The following MDGA2 variants were observed in gnomAD, a reference collection of about 807,000 sequenced individuals.
The protein encoded by MDGA2 is MAM domain-containing glycosylphosphatidylinositol anchor protein 2.
A neutral mutation model predicts 117.8 loss-of-function variants in MDGA2; 40 were observed. The observed-to-expected ratio is 0.34, with a 90% CI of 0.26 to 0.44. The LOEUF (loss-of-function observed/expected upper bound fraction) is 0.44. MDGA2 is among the 20% of genes least tolerant of loss of function. The pLI, the probability that MDGA2 is intolerant of heterozygous loss-of-function variation, is 1.00. For synonymous variants in MDGA2, 452 were observed against 439.0 expected, an observed-to-expected ratio of 1.03 and a Z score of -0.37; for missense variants, 1,123 against 1,250.6, an observed-to-expected ratio of 0.90 and a Z score of 1.54.
intron 1 of MDGA2, among the ~76,000 whole-genome samples, chr14:47,325,433 C>T (rs1890115645): frequency 1.3e-5 from 2 of 152,104 alleles, no homozygotes; most frequent in Admixed American, 1.3e-4. Context: ...AACCTGAAGA[C>T]CTAATGGATC....
At chr14:47,189,485 A>G (rs1428089872) in intron 3 of MDGA2, among the ~76,000 whole-genome samples, 1 of 152,118 alleles carries the variant, frequency 6.6e-6, no homozygotes, top group Admixed American at 6.6e-5. Flanking sequence ...TATGGCAACC[A>G]CAGCTGCTGA....
At chr14:47,089,528 G>A (rs1891031348) in intron 6 of MDGA2, among the ~76,000 whole-genome samples, 1 of 151,922 alleles carries the variant, frequency 6.6e-6, no homozygotes, top group Non-Finnish European at 1.5e-5. Flanking sequence ...GGTGCGAGCT[G>A]CCACACCAGG....
At chr14:47,139,859 C>T (rs1293718415) in intron 4 of MDGA2, among the ~76,000 whole-genome samples, 1 of 137,750 alleles carries the variant, frequency 7.3e-6, no homozygotes, top group East Asian at 2.1e-4. Context: ...TATATATACA[C>T]ATATATATAT....
intron 1 of MDGA2, among the ~76,000 whole-genome samples, chr14:47,473,884 G>T (rs1247210555): frequency 2.0e-5 from 3 of 152,088 alleles, no homozygotes; most frequent in African/African-American, 7.2e-5. Flanking sequence ...ATACTGAATG[G>T]GTAAAAGTTG....
intron 2 of MDGA2, among the ~76,000 whole-genome samples, chr14:47,222,938 T>G (rs995725181): frequency 2.0e-5 from 3 of 152,224 alleles, no homozygotes; most frequent in Non-Finnish European, 4.4e-5. Context: ...TCACGCTGCC[T>G]GTAAAGACAT....
At chr14:46,971,526 G>GGC (rs1196725759) in intron 8 of MDGA2, among the ~76,000 whole-genome samples, 1 of 152,016 alleles carries the variant, frequency 6.6e-6, no homozygotes, top group African/African-American at 2.4e-5. Flanking sequence ...TGGAGATAGA[G>GGC]TATAGATAGA....
intron 1 of MDGA2, among the ~76,000 whole-genome samples, chr14:47,342,299 T>A (rs909526697): frequency 7.5e-5 from 11 of 146,348 alleles, no homozygotes; most frequent in Admixed American, 6.2e-4. Context: ...GTTATATATA[T>A]AAATATGTGT....
At chr14:47,188,904 C>T (rs1214470236) in intron 3 of MDGA2, among the ~76,000 whole-genome samples, 2 of 152,106 alleles carry the variant, frequency 1.3e-5, no homozygotes, top group Non-Finnish European at 2.9e-5. Context: ...TTTGTGAACA[C>T]TTATTCCCAA....
At chr14:47,300,317 T>C (rs899601423) in intron 2 of MDGA2, among the ~76,000 whole-genome samples, 4 of 152,202 alleles carry the variant, frequency 2.6e-5, no homozygotes, top group Non-Finnish European at 5.9e-5. Flanking sequence ...TGATTACAAA[T>C]GTGAATTTTG....
intron 1 of MDGA2, among the ~76,000 whole-genome samples, chr14:47,462,698 T>G (rs1260780468): frequency 6.6e-6 from 1 of 152,140 alleles, no homozygotes; most frequent in East Asian, 1.9e-4. Context: ...AATGTAGAAG[T>G]TTTGGAAACA....
chr14:47,475,794 A>G (rs533495769), intron 1 of MDGA2, among the ~76,000 whole-genome samples: 1 of 152,316 alleles, frequency 6.6e-6, no homozygotes, highest in South Asian at 2.1e-4. Flanking sequence ...TGAACACAGT[A>G]GTAGAGGGAA....
At chr14:47,437,664 A>C (rs1892925358) in intron 1 of MDGA2, among the ~76,000 whole-genome samples, 1 of 152,156 alleles carries the variant, frequency 6.6e-6, no homozygotes, top group African/African-American at 2.4e-5. Context: ...ATCAGCCTTC[A>C]AATGTGATCA....
intron 5 of MDGA2, among the ~76,000 whole-genome samples, chr14:47,111,474 C>A (rs1881030992): frequency 6.6e-6 from 1 of 151,976 alleles, no homozygotes; most frequent in South Asian, 2.1e-4. Context: ...ACTTGATTTG[C>A]TAGTCAGAAT....
chr14:47,094,608 G>A (rs1191269228), intron 6 of MDGA2, among the ~76,000 whole-genome samples: 1 of 151,860 alleles, frequency 6.6e-6, no homozygotes, highest in Non-Finnish European at 1.5e-5. Flanking sequence ...ATAAACTAAT[G>A]GAATAAAAGA....
At chr14:47,104,610 G>A (rs1478057777) in intron 5 of MDGA2, among the ~76,000 whole-genome samples, 1 of 151,572 alleles carries the variant, frequency 6.6e-6, no homozygotes, top group Non-Finnish European at 1.5e-5. Flanking sequence ...CCTGCACCCA[G>A]GTGAAATAAA....
rs367832980 is a variant in MDGA2, at chr14:47,293,400, C to G, written c.420+8011G>C. On this transcript the variant is annotated intron_variant, in intron 2 of 16. Coordinates refer to ENST00000399232, the MANE Select transcript of MDGA2 (RefSeq NM_001113498.3). ...TACTTTATTCTTAAATTAGTCCTAG[C>G]CCAGTATCGTCACACTCTAGACCCA... 6.6e-4 allele frequency among the ~76,000 whole-genome samples: 101 copies of G among 152,230 alleles called. 1 individual carries two copies. The highest frequency in any genetic ancestry group is 2.3e-3 in the African/African-American group (97 of 41,536).
intron 3 of MDGA2, among the ~76,000 whole-genome samples, chr14:47,189,808 G>A (rs1160442360): frequency 6.6e-6 from 1 of 152,092 alleles, no homozygotes; most frequent in Non-Finnish European, 1.5e-5. Flanking sequence ...CACTTTGTCA[G>A]GTAGGAGATG....
rs558487936 is a variant in MDGA2 at position 47,630,341 on chromosome 14, T to C, written c.280+44176A>G. Among the ~76,000 whole-genome samples the C allele has an allele frequency of 3.9e-5, 6 of 152,330 alleles. No individual in the cohort carries two copies. The South Asian group carries it at 1.2e-3, about 32-fold the overall frequency. On this transcript the variant is annotated intron_variant, in intron 1 of 16. Coordinates refer to ENST00000399232, the MANE Select transcript of MDGA2 (RefSeq NM_001113498.3). ...CTATGGAAACTAAATTTTTAGCTTG[T>C]AATTTGAGTATATATGTATGTAGTA...
At chr14:47,579,500 T>G (rs940361904) in intron 1 of MDGA2, among the ~76,000 whole-genome samples, 1 of 152,020 alleles carries the variant, frequency 6.6e-6, no homozygotes, top group African/African-American at 2.4e-5. Flanking sequence ...AGTTGAACAT[T>G]AATGATGAAT....
Sources: gnomAD v4.1 joint callset for allele counts (sites outside exome capture counted in the v4.1 genomes callset) on GRCh38, gnomAD v4.1.1 for gene constraint, MANE v1.5 for transcripts, NCBI Gene and HGNC (gene_info 2026-07-23, HGNC 2026-07-21) for gene names.